Variants in FMN1 observed in about 807,000 individuals in gnomAD.
The protein encoded by FMN1 is formin 1.
A neutral mutation model predicts 132.4 loss-of-function variants in FMN1; 110 were observed. That is an observed-to-expected ratio of 0.83 (90% CI 0.71 to 0.97). FMN1 has a LOEUF of 0.97. Ranked by LOEUF, FMN1 falls within the 50% of genes least tolerant of loss-of-function variation. The probability of loss-of-function intolerance (pLI) is 0.00; values close to 1 mark genes in which losing one functional copy is unlikely to be tolerated. For missense variants in FMN1, 1,792 were observed against 1,705.3 expected, an observed-to-expected ratio of 1.05 and a Z score of -0.90; for synonymous variants, 722 against 651.7, an observed-to-expected ratio of 1.11 and a Z score of -1.64.
chr15:33,079,174 T>C (rs1352599661), intron 5 of FMN1, among the ~76,000 whole-genome samples: 1 of 152,210 alleles, frequency 6.6e-6, no homozygotes, highest in Non-Finnish European at 1.5e-5. Context: ...AAAGTCCAAA[T>C]TGTATATGAA....
chr15:33,153,877 C>T lies in FMN1; in HGVS notation c.1038G>A (p.Thr346=), dbSNP rs1367381361. 64 of 1,536,644 alleles carry T rather than the reference C, an allele frequency of 4.2e-5. No homozygotes were observed. The Middle Eastern group carries it at 5.0e-4, about 12-fold the overall frequency. ...LSSQVQRVVK[T]HSKGKETIAI... is the part of the protein sequence containing the mutation. ...CAATCGTCTCCTTACCCTTAGAATG[C>T]GTTTTAACTACTCTTTGTACCTGGG... The change falls in exon 4 of 21, where the codon ACG becomes ACA. Residue 346 remains threonine, a synonymous_variant. Coordinates refer to ENST00000616417, the MANE Select transcript of FMN1 (RefSeq NM_001277313.2).
chr15:33,026,295 G>A (rs894243863), intron 6 of FMN1, among the ~76,000 whole-genome samples: 2 of 151,924 alleles, frequency 1.3e-5, no homozygotes, highest in Non-Finnish European at 2.9e-5. Context: ...AAGAAAATAT[G>A]ATAAAAAGCT....
intron 6 of FMN1, among the ~76,000 whole-genome samples, chr15:33,029,886 G>A (rs958610816): frequency 7.2e-5 from 11 of 152,298 alleles, no homozygotes; most frequent in South Asian, 4.1e-4. Context: ...GGCCAGGTGC[G>A]GTGGCTCACG....
intron 17 of FMN1, chr15:32,810,748 C>T (rs553879626): frequency 5.2e-5 from 11 of 211,610 alleles, no homozygotes; most frequent in Admixed American, 3.6e-4. Context: ...TTTATGGATG[C>T]CCATCTGGGA....
chr15:32,941,141 G>A (rs913971396), intron 9 of FMN1, among the ~76,000 whole-genome samples: 2 of 152,152 alleles, frequency 1.3e-5, no homozygotes, highest in African/African-American at 4.8e-5. Flanking sequence ...ATGTTTACGT[G>A]AAGCCAGTAG....
intron 16 of FMN1, among the ~76,000 whole-genome samples, chr15:32,880,251 T>C (rs185621859): frequency 6.6e-6 from 1 of 152,314 alleles, no homozygotes; most frequent in East Asian, 1.9e-4. Flanking sequence ...TTATTCCACA[T>C]TTCCCGCACA....
chr15:32,889,028 A>AT (rs1158324860), intron 15 of FMN1, among the ~76,000 whole-genome samples: 2 of 151,814 alleles, frequency 1.3e-5, no homozygotes, highest in African/African-American at 4.8e-5. Context: ...CTAATTTTTA[A>AT]TTTTTTGTAG....
chr15:32,948,119 T>C (rs1232200832), intron 9 of FMN1, among the ~76,000 whole-genome samples: 1 of 152,000 alleles, frequency 6.6e-6, no homozygotes, highest in Non-Finnish European at 1.5e-5. Context: ...CTTACAATCT[T>C]AGTTACAAAA....
rs183839461 is a variant in FMN1 at position 33,147,737 on chromosome 15, C to T, written c.1867+5311G>A. 2.4e-3 allele frequency among the ~76,000 whole-genome samples: 360 copies of T among 152,236 alleles called. 6 individuals carry two copies. Among genetic ancestry groups the T allele is most frequent in the Non-Finnish European group, 2.5e-4 (17 of 67,996 alleles). On this transcript the variant is annotated intron_variant, in intron 4 of 20. Transcript: ENST00000616417. ...GAGAAAAATACTCATTTATTTTATA[C>T]AGAAACTGACCTTAAAATACAAATT... is the stretch of plus-strand genomic sequence containing the variant.
At position 32,857,071 on chromosome 15, in the gene FMN1, G is replaced by A; in HGVS notation, c.3872C>T (p.Ser1291Phe). Residue 1291 changes from serine (S) to phenylalanine (F), a missense_variant, in exon 17 of 21, where the codon TCC becomes TTC. Physicochemically the swap from Ser to Phe is radical, Grantham distance 155. Coordinates refer to ENST00000616417, the MANE Select transcript of FMN1 (RefSeq NM_001277313.2). The part of the protein sequence containing the change: ...EKQMVVVCKE[S>F]PKEYLQPFKD... Reference sequence around the variant, plus strand: ...GAAAGGCTGGAGATACTCCTTTGGGGACTCCTTGCACACCACCACCATCTG... The same window carrying A: ...GAAAGGCTGGAGATACTCCTTTGGGAACTCCTTGCACACCACCACCATCTG... 2 of 1,613,860 alleles carry A rather than the reference G, an allele frequency of 1.2e-6. No homozygotes were observed. The highest frequency in any genetic ancestry group is 2.2e-5 in the East Asian group (1 of 44,880).
intron 6 of FMN1, chr15:33,012,052 T>A (rs2034758402): frequency 1.6e-5 from 5 of 318,534 alleles, no homozygotes; most frequent in Non-Finnish European, 3.0e-5. Flanking sequence ...GTAACAAAAC[T>A]ATGAAGAAAA....
intron 5 of FMN1, among the ~76,000 whole-genome samples, chr15:33,075,402 G>A (rs1424747026): frequency 1.3e-5 from 2 of 152,064 alleles, no homozygotes; most frequent in Non-Finnish European, 2.9e-5. Flanking sequence ...ATATGCACTT[G>A]GGCAGAAGGA....
intron 16 of FMN1, among the ~76,000 whole-genome samples, chr15:32,874,257 G>A (rs908942308): frequency 2.0e-5 from 3 of 151,868 alleles, no homozygotes; most frequent in Admixed American, 6.6e-5. Context: ...TCCTGACCTC[G>A]TGATCTGCCT....
intron 4 of FMN1, among the ~76,000 whole-genome samples, chr15:33,146,096 C>T (rs771333915): frequency 1.3e-5 from 2 of 151,760 alleles, no homozygotes; most frequent in Non-Finnish European, 2.9e-5. Flanking sequence ...GGGCTTCAGC[C>T]TCCCGAGTAA....
intron 6 of FMN1, among the ~76,000 whole-genome samples, chr15:33,024,277 C>T (rs555075486): frequency 8.8e-4 from 97 of 109,946 alleles, no homozygotes; most frequent in East Asian, 2.7e-3. Flanking sequence ...TGTGGAGTCT[C>T]GCTCTGTCGC....
At chr15:32,887,579 C>T (rs149026382) in intron 16 of FMN1, among the ~76,000 whole-genome samples, 1 of 152,158 alleles carries the variant, frequency 6.6e-6, no homozygotes, top group Non-Finnish European at 1.5e-5. Context: ...TTATTAGACT[C>T]ATATATAAAC....
chr15:32,937,111 T>C (rs2061294187), intron 9 of FMN1, among the ~76,000 whole-genome samples: 1 of 152,212 alleles, frequency 6.6e-6, no homozygotes, highest in African/African-American at 2.4e-5. Context: ...TCACTTACTC[T>C]GCCCTGAGCA....
intron 4 of FMN1, chr15:33,150,902 G>T: frequency 9.9e-7 from 1 of 1,013,236 alleles, no homozygotes; most frequent in Non-Finnish European, 1.2e-6. Flanking sequence ...GATGGTAAAT[G>T]AATTATTCAC....
chr15:32,972,976 T>C (rs1033843365), intron 7 of FMN1, among the ~76,000 whole-genome samples: 1 of 152,180 alleles, frequency 6.6e-6, no homozygotes, highest in Admixed American at 6.5e-5. Context: ...CTGAATTTCT[T>C]GCTCTCTCTC....
Sources: gnomAD v4.1 joint callset for allele counts (sites outside exome capture counted in the v4.1 genomes callset) on GRCh38, gnomAD v4.1.1 for gene constraint, MANE v1.5 for transcripts, NCBI Gene and HGNC (gene_info 2026-07-23, HGNC 2026-07-21) for gene names.